DPP10: variants seen among roughly 807,000 people sequenced by gnomAD.
DPP10 encodes the protein inactive dipeptidyl peptidase 10.
A neutral mutation model predicts 120.9 loss-of-function variants in DPP10; 33 were observed. That is an observed-to-expected ratio of 0.27 (90% confidence interval 0.21 to 0.37). The LOEUF is 0.37. DPP10 is among the 10% of genes least tolerant of loss of function. The pLI is 1.00. For synonymous variants in DPP10, 337 were observed against 326.1 expected (o/e 1.03, Z -0.36); for missense variants, 816 against 942.8 (o/e 0.87, Z 1.76).
At chr2:115,617,278 A>ATATG (rs1389281614) in intron 5 of DPP10, among the ~76,000 whole-genome samples, 1 of 107,642 alleles carries the variant, frequency 9.3e-6, no homozygotes, top group Non-Finnish European at 2.1e-5. Flanking sequence ...TTTTTTATAT[A>ATATG]TATATATATA....
chr2:115,533,783 C>T (rs960596529), intron 5 of DPP10, among the ~76,000 whole-genome samples: 3 of 152,030 alleles, frequency 2.0e-5, no homozygotes, highest in African/African-American at 7.2e-5. Flanking sequence ...ATCCTGAAAT[C>T]CTCCTGCCTT....
chr2:115,594,439 CAT>C (rs1409263056), intron 5 of DPP10, among the ~76,000 whole-genome samples: 1 of 151,958 alleles, frequency 6.6e-6, no homozygotes, highest in Non-Finnish European at 1.5e-5. Context: ...AAAAACAAAA[CAT>C]AAAGAATCAG....
intron 1 of DPP10, among the ~76,000 whole-genome samples, chr2:114,449,188 C>T (rs62172125): frequency 1.3e-5 from 2 of 151,920 alleles, no homozygotes; most frequent in Admixed American, 6.6e-5. Context: ...AATTGGCAAA[C>T]AATGGTAGGG....
chr2:115,704,028 C>T (rs763881378), intron 7 of DPP10, among the ~76,000 whole-genome samples: 8 of 151,902 alleles, frequency 5.3e-5, no homozygotes, highest in Non-Finnish European at 1.0e-4. Context: ...ATGTACTTAA[C>T]AGACTCCCAC....
At chr2:114,570,204 AC>A (rs1399811238) in intron 1 of DPP10, among the ~76,000 whole-genome samples, 1 of 152,194 alleles carries the variant, frequency 6.6e-6, no homozygotes, top group African/African-American at 2.4e-5. Flanking sequence ...TTCCTGAGAG[AC>A]CAGGTTTGTC....
At chr2:115,396,656 A>G (rs968047471) in intron 3 of DPP10, among the ~76,000 whole-genome samples, 3 of 152,198 alleles carry the variant, frequency 2.0e-5, no homozygotes, top group South Asian at 2.1e-4. Flanking sequence ...TGTAGCTCCC[A>G]TTGTGTTAGC....
At chr2:115,727,573 T>C (rs1321811531) in intron 7 of DPP10, among the ~76,000 whole-genome samples, 1 of 152,240 alleles carries the variant, frequency 6.6e-6, no homozygotes, top group South Asian at 2.1e-4. Flanking sequence ...GCTGAAAATA[T>C]GGATTTAAAA....
intron 1 of DPP10, among the ~76,000 whole-genome samples, chr2:114,648,116 A>G (rs999856552): frequency 1.3e-5 from 2 of 152,094 alleles, no homozygotes; most frequent in African/African-American, 4.8e-5. Context: ...TTGGCAAAAT[A>G]TCTATCCTGT....
intron 1 of DPP10, among the ~76,000 whole-genome samples, chr2:114,612,902 GCTAC>G (rs1455198256): frequency 6.6e-6 from 1 of 152,094 alleles, no homozygotes; most frequent in Non-Finnish European, 1.5e-5. Context: ...ACTATTTTCA[GCTAC>G]CTGTTATTTT....
chr2:114,689,410 T>C (rs1699590698), intron 1 of DPP10, among the ~76,000 whole-genome samples: 1 of 151,950 alleles, frequency 6.6e-6, no homozygotes, highest in African/African-American at 2.4e-5. Flanking sequence ...AAGGACATGA[T>C]CTCATTCATT....
At chr2:115,210,904 A>G (rs2056467616) in intron 1 of DPP10, among the ~76,000 whole-genome samples, 1 of 151,944 alleles carries the variant, frequency 6.6e-6, no homozygotes, top group Non-Finnish European at 1.5e-5. Flanking sequence ...CTTCTCTATT[A>G]AAAAAAACTT....
At chr2:114,507,020 T>C (rs939912481) in intron 1 of DPP10, among the ~76,000 whole-genome samples, 1 of 151,846 alleles carries the variant, frequency 6.6e-6, no homozygotes, top group Admixed American at 6.6e-5. Flanking sequence ...GGGTCTGAAT[T>C]ATTCAGTTTT....
At chr2:115,004,509 G>A (rs552677282) in intron 1 of DPP10, among the ~76,000 whole-genome samples, 82 of 152,216 alleles carry the variant, frequency 5.4e-4, no homozygotes, top group South Asian at 3.3e-3. Context: ...CAGTGGGTGC[G>A]TGCACCGTGC....
intron 1 of DPP10, among the ~76,000 whole-genome samples, chr2:115,223,600 GAA>G (rs1574068110): frequency 6.6e-6 from 1 of 152,042 alleles, no homozygotes; most frequent in African/African-American, 2.4e-5. Flanking sequence ...TGAAAGTAAA[GAA>G]AATGATTAAA....
intron 1 of DPP10, among the ~76,000 whole-genome samples, chr2:115,186,172 G>T (rs570140743): frequency 1.3e-5 from 2 of 152,146 alleles, no homozygotes; most frequent in African/African-American, 2.4e-5. Flanking sequence ...GCGGAGCTCC[G>T]TTGTTTTTAT....
chr2:115,018,168 A>C (rs1243612019), intron 1 of DPP10, among the ~76,000 whole-genome samples: 1 of 152,222 alleles, frequency 6.6e-6, no homozygotes, highest in Non-Finnish European at 1.5e-5. Context: ...ATACCATCTC[A>C]CACCAGTTAG....
intron 1 of DPP10, among the ~76,000 whole-genome samples, chr2:115,055,907 G>A (rs953536297): frequency 8.6e-5 from 13 of 151,788 alleles, no homozygotes; most frequent in African/African-American, 2.7e-4. Flanking sequence ...GTGTCATATT[G>A]GACTCACTCT....
intron 3 of DPP10, among the ~76,000 whole-genome samples, chr2:115,469,900 GAA>G (rs751350699): frequency 1.1e-5 from 1 of 89,042 alleles, no homozygotes; most frequent in Non-Finnish European, 2.4e-5. Context: ...AAAAAAAAAA[GAA>G]AAAAAAAAAC....
At chr2:115,632,937 G>T (rs1011849239) in intron 5 of DPP10, among the ~76,000 whole-genome samples, 1 of 152,190 alleles carries the variant, frequency 6.6e-6, no homozygotes, top group Non-Finnish European at 1.5e-5. Flanking sequence ...AACAACAGGT[G>T]CTGGAGAGGA....
Sources: gnomAD v4.1 joint callset for allele counts (sites outside exome capture counted in the v4.1 genomes callset) on GRCh38, gnomAD v4.1.1 for gene constraint, MANE v1.5 for transcripts, NCBI Gene and HGNC (gene_info 2026-07-23, HGNC 2026-07-21) for gene names.